Variants in TMEM178B observed in about 807,000 individuals in gnomAD.
TMEM178B encodes the protein transmembrane protein 178B.
A neutral mutation model predicts 31.0 loss-of-function variants in TMEM178B; 5 were observed. The ratio of observed to expected loss-of-function variants is 0.16; its 90% CI spans 0.08 to 0.34. The LOEUF (loss-of-function observed/expected upper bound fraction) is 0.34. Ranked by LOEUF, TMEM178B falls within the 10% of genes least tolerant of loss-of-function variation. The probability of loss-of-function intolerance (pLI) is 1.00; values close to 1 mark genes in which losing one functional copy is unlikely to be tolerated. For missense variants in TMEM178B, 275 were observed against 400.3 expected, an observed-to-expected ratio of 0.69 and a Z score of 2.67; for synonymous variants, 164 against 164.0, an observed-to-expected ratio of 1.00 and a Z score of 0.00.
At chr7:141,270,239 C>T (rs1384509764) in intron 2 of TMEM178B, among the ~76,000 whole-genome samples, 1 of 152,144 alleles carries the variant, frequency 6.6e-6, no homozygotes, top group African/African-American at 2.4e-5. Flanking sequence ...GCACCTGGTT[C>T]AAGCCCAGAC....
chr7:141,380,016 C>T (rs1284262682), intron 2 of TMEM178B, among the ~76,000 whole-genome samples: 1 of 152,182 alleles, frequency 6.6e-6, no homozygotes, highest in African/African-American at 2.4e-5. Flanking sequence ...TTTCTTACTA[C>T]TCTAGATGTA....
the TMEM178B span, among the ~76,000 whole-genome samples, chr7:141,496,498 G>A: frequency 6.6e-6 from 1 of 151,100 alleles, no homozygotes; most frequent in African/African-American, 2.5e-5. Context: ...GTGAAACCCC[G>A]TCTCTACTAA....
At chr7:141,244,586 A>T (rs1797694951) in intron 2 of TMEM178B, among the ~76,000 whole-genome samples, 1 of 152,226 alleles carries the variant, frequency 6.6e-6, no homozygotes, top group Admixed American at 6.5e-5. Context: ...TGTGAGAAGG[A>T]GTAATGAGAA....
At chr7:141,349,946 T>C (rs1373816364) in intron 2 of TMEM178B, among the ~76,000 whole-genome samples, 2 of 151,592 alleles carry the variant, frequency 1.3e-5, no homozygotes, top group Non-Finnish European at 2.9e-5. Flanking sequence ...CATCCATCCA[T>C]GCATCCATGC....
intron 2 of TMEM178B, among the ~76,000 whole-genome samples, chr7:141,356,421 T>C (rs944369735): frequency 2.0e-5 from 3 of 152,054 alleles, no homozygotes; most frequent in African/African-American, 7.2e-5. Flanking sequence ...TTCTGGTTGG[T>C]GTGAGATGTT....
At chr7:141,448,416 A>G (rs1439014063) in intron 3 of TMEM178B, among the ~76,000 whole-genome samples, 1 of 152,178 alleles carries the variant, frequency 6.6e-6, no homozygotes, top group Non-Finnish European at 1.5e-5. Flanking sequence ...TGGCAACAGC[A>G]AGGTGAAGAT....
chr7:141,360,500 C>T (rs1445016330), intron 2 of TMEM178B, among the ~76,000 whole-genome samples: 1 of 152,182 alleles, frequency 6.6e-6, no homozygotes, highest in Non-Finnish European at 1.5e-5. Context: ...TTTCCTCGCT[C>T]ATTCCTTCCT....
downstream of TMEM178B, among the ~76,000 whole-genome samples, chr7:141,480,985 GATGAGAC>G (rs1379173885): frequency 1.3e-5 from 2 of 152,238 alleles, no homozygotes; most frequent in African/African-American, 4.8e-5. Context: ...GTAATTTACT[GATGAGAC>G]ATGGGTAGCT....
At chr7:141,367,683 A>G (rs546765470) in intron 2 of TMEM178B, among the ~76,000 whole-genome samples, 1 of 152,308 alleles carries the variant, frequency 6.6e-6, no homozygotes, top group African/African-American at 2.4e-5. Flanking sequence ...TACACAAATA[A>G]TTATAGAAAC....
intron 1 of TMEM178B, among the ~76,000 whole-genome samples, chr7:141,208,455 T>C (rs1797001053): frequency 6.6e-6 from 1 of 152,236 alleles, no homozygotes; most frequent in Non-Finnish European, 1.5e-5. Context: ...CCCAGATGGT[T>C]CCTGTATTTA....
intron 2 of TMEM178B, among the ~76,000 whole-genome samples, chr7:141,423,816 T>TG (rs1359479556): frequency 6.7e-6 from 1 of 149,348 alleles, no homozygotes; most frequent in African/African-American, 2.5e-5. Flanking sequence ...TTTTTTTTTT[T>TG]TTTTTTTTTT....
chr7:141,438,007 C>A (rs552404476), intron 3 of TMEM178B, among the ~76,000 whole-genome samples: 17 of 152,274 alleles, frequency 1.1e-4, no homozygotes, highest in Admixed American at 7.8e-4. Flanking sequence ...AAGACACTTA[C>A]GGAGATGATC....
intron 1 of TMEM178B, among the ~76,000 whole-genome samples, chr7:141,122,787 TGTAAA>T (rs1795430734): frequency 6.6e-6 from 1 of 152,370 alleles, no homozygotes; most frequent in East Asian, 1.9e-4. Context: ...TTTTCTTCTT[TGTAAA>T]TCTGAAGGCT....
rs139743980 is a variant in TMEM178B at position 141,105,461 on chromosome 7, C to T, written c.382+30769C>T. Among the ~76,000 whole-genome samples, 1,350 of 152,294 alleles carry T rather than the reference C, an allele frequency of 8.9e-3. 21 individuals are homozygous for T. The highest frequency in any genetic ancestry group is 0.031 in the African/African-American group (1,271 of 41,556). On this transcript the variant is annotated intron_variant, in intron 1 of 3. Coordinates refer to ENST00000565468, the MANE Select transcript of TMEM178B (RefSeq NM_001195278.2). ...GACGGAGGTTGCAGTGAGCTGAGAT[C>T]GTGCCACTGTATTCTAGCCTGGGCA... is the stretch of plus-strand genomic sequence containing the variant.
At chr7:141,380,913 A>C (rs1800303456) in intron 2 of TMEM178B, among the ~76,000 whole-genome samples, 1 of 152,216 alleles carries the variant, frequency 6.6e-6, no homozygotes, top group Admixed American at 6.5e-5. Flanking sequence ...ATATACATCT[A>C]GAAGAAAGCA....
At chr7:141,459,975 C>G (rs1015143407) in intron 3 of TMEM178B, among the ~76,000 whole-genome samples, 1 of 151,674 alleles carries the variant, frequency 6.6e-6, no homozygotes. Flanking sequence ...ACACAAGATG[C>G]CTAACAGGTA....
intron 2 of TMEM178B, among the ~76,000 whole-genome samples, chr7:141,423,383 A>G (rs1369467806): frequency 6.6e-6 from 1 of 152,192 alleles, no homozygotes; most frequent in African/African-American, 2.4e-5. Context: ...TCAACATGCA[A>G]TCAATATAAA....
chr7:141,174,369 G>C (rs1238159897), intron 1 of TMEM178B, among the ~76,000 whole-genome samples: 1 of 152,146 alleles, frequency 6.6e-6, no homozygotes, highest in Non-Finnish European at 1.5e-5. Context: ...TCATTGATGG[G>C]CATTTGGGTT....
intron 2 of TMEM178B, among the ~76,000 whole-genome samples, chr7:141,242,477 A>AGTGTGTGTGT (rs66723569): frequency 2.1e-5 from 3 of 140,444 alleles, no homozygotes; most frequent in Non-Finnish European, 4.6e-5. Context: ...ACTTTGTGTG[A>AGTGTGTGTGT]GTGTGTGTGT....
Sources: gnomAD v4.1 joint callset for allele counts (sites outside exome capture counted in the v4.1 genomes callset) on GRCh38, gnomAD v4.1.1 for gene constraint, MANE v1.5 for transcripts, NCBI Gene and HGNC (gene_info 2026-07-23, HGNC 2026-07-21) for gene names.